The following BAZ2B variants were observed in gnomAD, a reference collection of about 807,000 sequenced individuals.
BAZ2B encodes the protein bromodomain adjacent to zinc finger domain 2B, also known as bromodomain adjacent to zinc finger domain protein 2B.
In BAZ2B, 91 loss-of-function variants were observed where a neutral mutation model predicts 246.0. The observed-to-expected ratio is 0.37, with a 90% CI of 0.31 to 0.44. The LOEUF (loss-of-function observed/expected upper bound fraction) is 0.44. Among genes scored for constraint, BAZ2B ranks in the 20% least tolerant of loss-of-function variants. The pLI, the probability that BAZ2B is intolerant of heterozygous loss-of-function variation, is 1.00. For missense variants in BAZ2B, 2,332 were observed against 2,533.7 expected (o/e 0.92, Z 1.71); for synonymous variants, 855 against 860.0 (o/e 0.99, Z 0.10).
rs780474555 is a variant in BAZ2B, at chr2:159,431,258, G to A, written c.1901-102C>T. ...AGCTCAGGAACCAGCACCTGTGAAT[G>A]AGAACTCAAATGAGCAATTTTCCTA... On this transcript the variant is annotated intron_variant, in intron 9 of 36. Coordinates refer to ENST00000392783, the MANE Select transcript of BAZ2B (RefSeq NM_013450.4). 10 of 1,454,350 alleles carry A rather than the reference G, an allele frequency of 6.9e-6. No individual in the cohort carries two copies. The Admixed American group carries it at 1.3e-4, about 19-fold the overall frequency. The allele number at this position is 1,454,350 out of a possible 1,614,324, so 90.1% of individuals were successfully genotyped here.
chr2:159,688,184 C>T, the BAZ2B span, among the ~76,000 whole-genome samples: 1 of 150,738 alleles, frequency 6.6e-6, no homozygotes, highest in Admixed American at 6.8e-5. Flanking sequence ...GGACTACAGG[C>T]ATGTGCCACC....
chr2:159,524,784 G>C (rs2151284189), intron 2 of BAZ2B, among the ~76,000 whole-genome samples: 2 of 152,254 alleles, frequency 1.3e-5, no homozygotes, highest in African/African-American at 4.8e-5. Context: ...GGCGAAGTTA[G>C]AAGTAACTAA....
chr2:159,605,050 G>C (rs1470542735), intron 1 of BAZ2B, among the ~76,000 whole-genome samples: 3 of 151,408 alleles, frequency 2.0e-5, no homozygotes, highest in Non-Finnish European at 4.4e-5. Flanking sequence ...AAGAGAGAGA[G>C]ACAGAGACAG....
intron 27 of BAZ2B, among the ~76,000 whole-genome samples, chr2:159,367,655 G>C (rs1007472074): frequency 2.6e-5 from 4 of 152,110 alleles, no homozygotes; most frequent in Admixed American, 6.5e-5. Flanking sequence ...GGAGGCCGAG[G>C]TAGGCAGATC....
the BAZ2B span, among the ~76,000 whole-genome samples, chr2:159,629,239 G>T: frequency 1.2e-4 from 19 of 152,166 alleles, no homozygotes; most frequent in Non-Finnish European, 2.4e-4. Context: ...GTGTAAATTA[G>T]TTCAACCATT....
chr2:159,665,087 A>T, the BAZ2B span, among the ~76,000 whole-genome samples: 1 of 132,030 alleles, frequency 7.6e-6, no homozygotes, highest in African/African-American at 3.0e-5. Flanking sequence ...ATCATGGGTG[A>T]ACTCCCATTC....
chr2:159,328,534 A>G (rs908584151), intron 34 of BAZ2B, among the ~76,000 whole-genome samples: 4 of 152,174 alleles, frequency 2.6e-5, no homozygotes, highest in African/African-American at 9.7e-5. Context: ...CCCTTGAAAT[A>G]TTAGTGGGTT....
intron 2 of BAZ2B, among the ~76,000 whole-genome samples, chr2:159,515,161 C>A (rs1042172537): frequency 6.6e-6 from 1 of 151,948 alleles, no homozygotes; most frequent in Non-Finnish European, 1.5e-5. Context: ...CCTAATACTA[C>A]AGTTTAAAAA....
intron 1 of BAZ2B, among the ~76,000 whole-genome samples, chr2:159,574,184 A>C (rs1684730855): frequency 6.6e-6 from 1 of 151,838 alleles, no homozygotes; most frequent in Non-Finnish European, 1.5e-5. Context: ...GCACAATTTT[A>C]AAATGGGCAA....
At chr2:159,591,443 G>A (rs1370436853) in intron 1 of BAZ2B, among the ~76,000 whole-genome samples, 3 of 152,166 alleles carry the variant, frequency 2.0e-5, no homozygotes, top group African/African-American at 7.2e-5. Context: ...TGGCAACAAA[G>A]GTAGGATAAG....
intron 1 of BAZ2B, among the ~76,000 whole-genome samples, chr2:159,614,945 T>C (rs1250118037): frequency 1.3e-5 from 2 of 152,282 alleles, no homozygotes; most frequent in Non-Finnish European, 2.9e-5. Flanking sequence ...TAATACTTCT[T>C]TCCTTTCCTC....
the BAZ2B span, among the ~76,000 whole-genome samples, chr2:159,642,249 T>TG: frequency 1.3e-5 from 2 of 150,256 alleles, no homozygotes. Flanking sequence ...TTTTTTTTTT[T>TG]TTTTTTGAAA....
At chr2:159,572,853 A>G (rs1426704908) in intron 1 of BAZ2B, among the ~76,000 whole-genome samples, 1 of 152,242 alleles carries the variant, frequency 6.6e-6, no homozygotes, top group African/African-American at 2.4e-5. Flanking sequence ...CACAGAGATT[A>G]GCATGAATGT....
Position 159,349,698 on chromosome 2 carries a change from C to T in BAZ2B, c.4863+10G>A, listed in dbSNP as rs752766450. 6.9e-6 allele frequency: 11 copies of T among 1,595,648 alleles called. No individual in the cohort carries two copies. The highest frequency in any genetic ancestry group is 9.4e-6 in the Non-Finnish European group (11 of 1,170,144). Reference sequence around the variant, plus strand: ...CAATATAAAAATGAGTTACAGTTAGCAGTACTAACCTGAAGAGGTGATAAA... The same window carrying T: ...CAATATAAAAATGAGTTACAGTTAGTAGTACTAACCTGAAGAGGTGATAAA... On this transcript the variant is annotated intron_variant, in intron 28 of 36. Coordinates refer to ENST00000392783, the MANE Select transcript of BAZ2B (RefSeq NM_013450.4).
intron 25 of BAZ2B, among the ~76,000 whole-genome samples, chr2:159,382,323 C>A (rs991946440): frequency 4.6e-5 from 7 of 152,080 alleles, no homozygotes; most frequent in Admixed American, 4.6e-4. Context: ...ATTAAAAAAA[C>A]TTCTTTTATT....
At chr2:159,412,030 A>T in intron 14 of BAZ2B, 1 of 917,646 alleles carries the variant, frequency 1.1e-6, no homozygotes, top group Non-Finnish European at 1.3e-6. Context: ...GGTTGGCACG[A>T]CCTTAAGGCA....
At chr2:159,368,272 T>C (rs992327443) in intron 27 of BAZ2B, among the ~76,000 whole-genome samples, 2 of 152,108 alleles carry the variant, frequency 1.3e-5, no homozygotes, top group Non-Finnish European at 2.9e-5. Context: ...AGGCTCGTTG[T>C]GAACTCTTGG....
chr2:159,425,633 T>A (rs970876938), intron 13 of BAZ2B, among the ~76,000 whole-genome samples: 4 of 152,238 alleles, frequency 2.6e-5, no homozygotes, highest in African/African-American at 9.6e-5. Flanking sequence ...TCCAGTTTTT[T>A]AAACATGTTT....
Position 159,598,636 on chromosome 2 carries a change from T to C in BAZ2B, c.-46+17606A>G, listed in dbSNP as rs568874329. ...AAGCCCAGGTGGGTAGATTACAAGG[T>C]CAGGAGTTTGAGACCAGCCCGGCCA... On this transcript the variant is annotated intron_variant, in intron 1 of 36. Transcript: ENST00000392783. Among the ~76,000 whole-genome samples, 232 of 151,462 alleles carry C rather than the reference T, an allele frequency of 1.5e-3. 1 individual carries two copies. The highest frequency in any genetic ancestry group is 3.0e-3 in the Admixed American group (45 of 15,222).
Sources: gnomAD v4.1 joint callset for allele counts (sites outside exome capture counted in the v4.1 genomes callset) on GRCh38, gnomAD v4.1.1 for gene constraint, MANE v1.5 for transcripts, NCBI Gene and HGNC (gene_info 2026-07-23, HGNC 2026-07-21) for gene names.